The following SLC25A53 variants were observed in gnomAD, a reference collection of about 807,000 sequenced individuals.
SLC25A53 encodes mitochondrial carrier triple repeat protein 6.
A neutral mutation model predicts 15.0 loss-of-function variants in SLC25A53; 5 were observed. The observed-to-expected ratio is 0.33, with a 90% CI of 0.17 to 0.70. The LOEUF (loss-of-function observed/expected upper bound fraction) is 0.70. SLC25A53 is among the 30% of genes least tolerant of loss of function. SLC25A53 has a pLI of 0.67. For synonymous variants in SLC25A53, 95 were observed against 100.0 expected (o/e 0.95, Z 0.30); for missense variants, 216 against 241.6 (o/e 0.89, Z 0.70).
intron 1 of SLC25A53, among the ~76,000 whole-genome samples, chrX:104,111,600 T>C (rs2075344392): frequency 9.0e-6 from 1 of 111,412 alleles, no homozygotes; most frequent in Admixed American, 9.5e-5. Flanking sequence ...TGCCCTCATC[T>C]TCCCTCAGCC....
In SLC25A53 at chrX:104,104,803, G is replaced by C; in HGVS notation, c.455C>G (p.Pro152Arg). The C allele has an allele frequency of 8.3e-7, 1 of 1,211,799 alleles. No individual in the cohort carries two copies. The highest frequency in any genetic ancestry group is 1.8e-5 in the South Asian group (1 of 56,988). ...LQDGRKQARF[P>R]STFSILKEFN... ...TTCCTTGAGAATGCTGAAGGTGCTG[G>C]GGAAGCGAGCTTGCTTGCGACCATC... The change falls in exon 2 of 2, where the codon CCC becomes CGC. Residue 152 changes from proline (P) to arginine (R), a missense_variant. Pro to Arg is a moderately radical substitution (Grantham distance 103). Coordinates refer to ENST00000594199, the MANE Select transcript of SLC25A53 (RefSeq NM_001012755.5).
chrX:104,152,409 A>T (rs1390899742), intron 1 of SLC25A53, among the ~76,000 whole-genome samples: 1 of 109,182 alleles, frequency 9.2e-6, no homozygotes, highest in Non-Finnish European at 1.9e-5. Context: ...ACATGAACTC[A>T]TCATTTTTTA....
At chrX:104,126,022 G>C in intron 1 of SLC25A53, among the ~76,000 whole-genome samples, 1 of 112,015 alleles carries the variant, frequency 8.9e-6, no homozygotes, top group Non-Finnish European at 1.9e-5. Context: ...ATACACACAA[G>C]CTGGCCCAGC....
intron 1 of SLC25A53, among the ~76,000 whole-genome samples, chrX:104,106,910 C>T (rs782252021): frequency 3.7e-5 from 4 of 107,013 alleles, no homozygotes; most frequent in Non-Finnish European, 7.8e-5. Context: ...TCAATCTCCC[C>T]GCAATCCCAT....
intron 1 of SLC25A53, among the ~76,000 whole-genome samples, chrX:104,138,959 T>C (rs1335929555): frequency 8.9e-6 from 1 of 111,972 alleles, no homozygotes; most frequent in Admixed American, 9.4e-5. Context: ...AGGCACAGGA[T>C]GGTGGTATGG....
chrX:104,105,319 T>C (rs180721398), intron 1 of SLC25A53, 31 bp from the exon 2 acceptor site: 48,186 of 972,970 alleles, frequency 0.05, 989 homozygotes, highest in Middle Eastern at 0.12. Flanking sequence ...GAGATTAGAC[T>C]GACCAATTAA....
intron 1 of SLC25A53, among the ~76,000 whole-genome samples, chrX:104,110,198 A>C (rs1439866150): frequency 4.5e-5 from 5 of 112,116 alleles, no homozygotes; most frequent in African/African-American, 1.6e-4. Context: ...AAGCCAATTT[A>C]AACACTGAAC....
chrX:104,130,610 G>A (rs2075423376), intron 1 of SLC25A53: 1 of 111,209 alleles, frequency 9.0e-6, no homozygotes, highest in African/African-American at 3.3e-5. Context: ...TTGTAAGCAA[G>A]ATCAGTCTGT....
chrX:104,154,577 A>C (rs2075494814), intron 1 of SLC25A53, among the ~76,000 whole-genome samples: 1 of 112,681 alleles, frequency 8.9e-6, no homozygotes, highest in Non-Finnish European at 1.9e-5. Context: ...TTATGGGATC[A>C]ACCTAAGTGT....
At chrX:104,146,559 A>G (rs1335658920) in intron 1 of SLC25A53, among the ~76,000 whole-genome samples, 1 of 111,971 alleles carries the variant, frequency 8.9e-6, no homozygotes, top group African/African-American at 3.3e-5. Context: ...AGAAAACCCC[A>G]TCGTCTCAGC....
chrX:104,126,730 T>C (rs2075412037), intron 1 of SLC25A53, among the ~76,000 whole-genome samples: 1 of 111,970 alleles, frequency 8.9e-6, no homozygotes, highest in Admixed American at 9.4e-5. Flanking sequence ...AATACGCAGA[T>C]GGCAAAGAAC....
intron 1 of SLC25A53, among the ~76,000 whole-genome samples, chrX:104,105,925 C>A (rs781897090): frequency 5.4e-5 from 6 of 111,991 alleles, no homozygotes; most frequent in Non-Finnish European, 7.5e-5. Flanking sequence ...CTAAGCCTAA[C>A]CTTTAAGACC....
rs1341699493 is a variant in SLC25A53, at chrX:104,102,962, A to AC, written c.*1371dup. On this transcript the variant is annotated 3_prime_UTR_variant, in exon 2 of 2. Transcript: ENST00000594199. ...AGACCAGCCTGACCAACATGGAGAG[A>AC]CCCCATCTCTACTAAAAATACAAAA... 9.1e-6 allele frequency: 1 copy of AC among 109,751 alleles called. No homozygotes were observed. The highest frequency in any genetic ancestry group is 4.0e-4 in the South Asian group (1 of 2,513). The allele number at this position is 109,751 out of a possible 1,213,427, so 9.0% of individuals were successfully genotyped here.
chrX:104,143,993 C>A (rs1403161577), intron 1 of SLC25A53, among the ~76,000 whole-genome samples: 2 of 111,306 alleles, frequency 1.8e-5, no homozygotes, highest in Non-Finnish European at 3.8e-5. Flanking sequence ...TCATATCCAG[C>A]CAAACTAAGC....
chrX:104,140,073 G>A (rs2075447061), intron 1 of SLC25A53, among the ~76,000 whole-genome samples: 1 of 111,960 alleles, frequency 8.9e-6, no homozygotes, highest in Non-Finnish European at 1.9e-5. Flanking sequence ...TAAGTTGTCT[G>A]ACATCAGGTC....
Position 104,135,046 on chromosome X carries a change from T to C in SLC25A53, c.-32+21832A>G, listed in dbSNP as rs782754441. Among the ~76,000 whole-genome samples, 11 of 111,032 alleles carry C rather than the reference T, an allele frequency of 9.9e-5. No homozygotes were observed. The South Asian group carries it at 4.3e-3, about 43-fold the overall frequency. On this transcript the variant is annotated intron_variant, in intron 1 of 1. Coordinates refer to ENST00000594199, the MANE Select transcript of SLC25A53 (RefSeq NM_001012755.5). ...TTCAACTTCCTACCTGCCTCTAAAG[T>C]ACTAACCACTCCCGTGTTCCCTCCC...
rs782409126 is a variant in SLC25A53, at chrX:104,115,211, A to G, written c.-31-9923T>C. The G allele has an allele frequency of 2.5e-4, 306 of 1,206,678 alleles. No homozygotes were observed. The highest frequency in any genetic ancestry group is 3.3e-4 in the Non-Finnish European group (294 of 893,486). On this transcript the variant is annotated intron_variant, in intron 1 of 1. Transcript: ENST00000594199. ...AAAGAAACCTGTGACAATGAGAGCA[A>G]CAAGGCCCAGGTTTTTGAGAATCTG...
intron 1 of SLC25A53, among the ~76,000 whole-genome samples, chrX:104,138,249 A>T (rs2075442031): frequency 8.9e-6 from 1 of 111,753 alleles, no homozygotes; most frequent in Non-Finnish European, 1.9e-5. Flanking sequence ...TCTACAAAAA[A>T]AAAACAAAAT....
At chrX:104,122,522 A>G (rs1425709071) in intron 1 of SLC25A53, among the ~76,000 whole-genome samples, 1 of 110,044 alleles carries the variant, frequency 9.1e-6, no homozygotes, top group African/African-American at 3.3e-5. Flanking sequence ...GAGGCAATCA[A>G]TTACTAAAAG....
Sources: allele counts gnomAD v4.1 joint callset (sites outside exome capture counted in the v4.1 genomes callset), GRCh38; gene constraint gnomAD v4.1.1; transcripts MANE v1.5; gene names NCBI Gene and HGNC (gene_info 2026-07-23, HGNC 2026-07-21).